Variants in BICC1 observed in about 807,000 individuals in gnomAD.
The protein encoded by BICC1 is protein bicaudal C homolog 1.
Under a neutral mutation model 111.0 loss-of-function variants are expected in BICC1, and 43 were observed. That is an observed-to-expected ratio of 0.39 (90% CI 0.30 to 0.50). The LOEUF (loss-of-function observed/expected upper bound fraction) is 0.50. Ranked by LOEUF, BICC1 falls within the 20% of genes least tolerant of loss-of-function variation. The pLI is 0.88. For missense variants in BICC1, 1,091 were observed against 1,203.2 expected, an observed-to-expected ratio of 0.91 and a Z score of 1.38; for synonymous variants, 467 against 434.4, an observed-to-expected ratio of 1.07 and a Z score of -0.93.
chr10:58,704,793 G>A (rs543143380), intron 3 of BICC1, among the ~76,000 whole-genome samples: 2 of 152,328 alleles, frequency 1.3e-5, no homozygotes, highest in Non-Finnish European at 2.9e-5. Context: ...GAGCTAGAGA[G>A]ACAGTACAGC....
At chr10:58,632,552 C>A (rs796734475) in intron 2 of BICC1, among the ~76,000 whole-genome samples, 1 of 151,132 alleles carries the variant, frequency 6.6e-6, no homozygotes, top group Non-Finnish European at 1.5e-5. Context: ...AGATGGATTT[C>A]TTGGGAGAAA....
chr10:58,678,796 C>A (rs138176803), intron 2 of BICC1, among the ~76,000 whole-genome samples: 2,453 of 152,240 alleles, frequency 0.016, 69 homozygotes, highest in African/African-American at 0.056. Flanking sequence ...GTAAAACACT[C>A]CTCAGCAAAT....
At chr10:58,652,843 C>T (rs1025897726) in intron 2 of BICC1, among the ~76,000 whole-genome samples, 3 of 152,078 alleles carry the variant, frequency 2.0e-5, no homozygotes, top group African/African-American at 7.2e-5. Flanking sequence ...GTAAGCACTG[C>T]ACCTAGCACA....
chr10:58,785,141 G>A, intron 4 of BICC1, 61 bp downstream of exon 4: 1 of 977,168 alleles, frequency 1.0e-6, no homozygotes, highest in Non-Finnish European at 1.5e-6. Flanking sequence ...GCTACTTCAT[G>A]CCGTTATGAA....
chr10:58,709,530 C>G (rs1172611788), intron 3 of BICC1, among the ~76,000 whole-genome samples: 2 of 152,228 alleles, frequency 1.3e-5, no homozygotes, highest in Admixed American at 6.5e-5. Flanking sequence ...ATCCCTAACA[C>G]TGTAACCAGT....
chr10:58,769,398 G>GTATA (rs1464928653), intron 3 of BICC1, among the ~76,000 whole-genome samples: 13 of 101,640 alleles, frequency 1.3e-4, no homozygotes, highest in African/African-American at 3.3e-4. Context: ...GTGTGTGTGT[G>GTATA]TGTGTGTATA....
chr10:58,585,288 T>C (rs1844398817), intron 1 of BICC1, among the ~76,000 whole-genome samples: 1 of 152,196 alleles, frequency 6.6e-6, no homozygotes. Flanking sequence ...TGTGTGGCCA[T>C]TGTCAAGTCA....
chr10:58,764,226 T>C (rs1448467479), intron 3 of BICC1, among the ~76,000 whole-genome samples: 1 of 152,148 alleles, frequency 6.6e-6, no homozygotes, highest in African/African-American at 2.4e-5. Flanking sequence ...ATTAGACAAA[T>C]GATGAAACAG....
At chr10:58,534,714 C>T (rs1842782438) in intron 1 of BICC1, among the ~76,000 whole-genome samples, 1 of 151,542 alleles carries the variant, frequency 6.6e-6, no homozygotes, top group Non-Finnish European at 1.5e-5. Flanking sequence ...AAAAAACACA[C>T]TAACTCTCCA....
chr10:58,796,551 G>A (rs190572969), intron 10 of BICC1, 25 bp downstream of exon 10: 56 of 1,579,610 alleles, frequency 3.5e-5, no homozygotes, highest in East Asian at 2.3e-4. Flanking sequence ...ATTACAGCGC[G>A]TCTCAGTCAC....
At chr10:58,549,047 T>C (rs146053020) in intron 1 of BICC1, among the ~76,000 whole-genome samples, 445 of 152,216 alleles carry the variant, frequency 2.9e-3, no homozygotes, top group Admixed American at 5.1e-3. Flanking sequence ...GGTTTTGCCA[T>C]GTTGCTCAGG....
intron 3 of BICC1, among the ~76,000 whole-genome samples, chr10:58,766,521 A>G (rs1327677848): frequency 2.0e-5 from 3 of 152,168 alleles, no homozygotes; most frequent in Non-Finnish European, 4.4e-5. Flanking sequence ...TCTCTTCAAC[A>G]ACAAATGCTT....
intron 2 of BICC1, among the ~76,000 whole-genome samples, chr10:58,665,990 T>G (rs1838997392): frequency 6.6e-6 from 1 of 152,184 alleles, no homozygotes; most frequent in Non-Finnish European, 1.5e-5. Flanking sequence ...GTTCCTTATG[T>G]TCTCATACTT....
chr10:58,533,988 G>A (rs570010546), intron 1 of BICC1, among the ~76,000 whole-genome samples: 1 of 151,778 alleles, frequency 6.6e-6, no homozygotes, highest in South Asian at 2.1e-4. Context: ...GTGGCTGAAT[G>A]GATTAAAAAA....
chr10:58,782,992 C>T (rs552295551), intron 3 of BICC1, among the ~76,000 whole-genome samples: 64 of 152,328 alleles, frequency 4.2e-4, no homozygotes, highest in Admixed American at 2.7e-3. Context: ...GTTGGGCTCT[C>T]TCCCAACTTG....
intron 17 of BICC1, among the ~76,000 whole-genome samples, chr10:58,810,947 C>T (rs982167361): frequency 6.6e-5 from 10 of 152,162 alleles, no homozygotes; most frequent in Non-Finnish European, 8.8e-5. Context: ...CAAATGTTTC[C>T]TGCTGTAGCA....
At chr10:58,765,764 A>G (rs1056863646) in intron 3 of BICC1, among the ~76,000 whole-genome samples, 1 of 152,180 alleles carries the variant, frequency 6.6e-6, no homozygotes, top group Non-Finnish European at 1.5e-5. Context: ...CTGAACAGAT[A>G]CCTCTGGTGC....
At chr10:58,814,525 A>G (rs560024163) in intron 18 of BICC1, among the ~76,000 whole-genome samples, 1 of 151,784 alleles carries the variant, frequency 6.6e-6, no homozygotes, top group Non-Finnish European at 1.5e-5. Context: ...TCTCACCTGT[A>G]ATCCCAGCAC....
chr10:58,686,877 G>A (rs993839500), intron 2 of BICC1, among the ~76,000 whole-genome samples: 4 of 152,166 alleles, frequency 2.6e-5, no homozygotes, highest in South Asian at 2.1e-4. Context: ...CTTTCAACTC[G>A]TCAAAGTCAT....
Sources: gnomAD v4.1 joint callset for allele counts (sites outside exome capture counted in the v4.1 genomes callset) on GRCh38, gnomAD v4.1.1 for gene constraint, MANE v1.5 for transcripts, NCBI Gene and HGNC (gene_info 2026-07-23, HGNC 2026-07-21) for gene names.